The following CDK13 variants were observed in gnomAD, a reference collection of about 807,000 sequenced individuals.
CDK13 encodes cyclin-dependent kinase 13.
In CDK13, 40 loss-of-function variants were observed where a neutral mutation model predicts 137.6. The observed-to-expected ratio is 0.29, with a 90% CI of 0.23 to 0.38. The LOEUF is 0.38. Ranked by LOEUF, CDK13 falls within the 10% of genes least tolerant of loss-of-function variation. The pLI is 1.00. For synonymous variants in CDK13, 869 were observed against 760.1 expected, an observed-to-expected ratio of 1.14 and a Z score of -2.36; for missense variants, 1,704 against 1,951.8, an observed-to-expected ratio of 0.87 and a Z score of 2.39.
intron 1 of CDK13, among the ~76,000 whole-genome samples, chr7:39,979,954 A>G (rs1433904070): frequency 6.6e-6 from 1 of 152,150 alleles, no homozygotes; most frequent in East Asian, 1.9e-4. Context: ...AAGGCAAGGG[A>G]ACATTTTCCC....
At chr7:39,975,754 G>A (rs542510296) in intron 1 of CDK13, among the ~76,000 whole-genome samples, 1 of 152,290 alleles carries the variant, frequency 6.6e-6, no homozygotes, top group East Asian at 1.9e-4. Flanking sequence ...AGACCAGCAT[G>A]GCTGGAGTCT....
At position 39,974,008 on chromosome 7, in the gene CDK13, C is replaced by G. The variant is rs1216008576; in HGVS notation, c.1212-13591C>G. On this transcript the variant is annotated intron_variant, in intron 1 of 13. Coordinates refer to ENST00000181839, the MANE Select transcript of CDK13 (RefSeq NM_003718.5). ...CTGATTTTGCAGTAATTTTTGAAAT[C>G]AGGAAGTGTGAATCTTCCAACTTAG... is the stretch of plus-strand genomic sequence containing the variant. Among the ~76,000 whole-genome samples, 3 of 152,282 alleles carry G rather than the reference C, an allele frequency of 2.0e-5. No individual in the cohort carries two copies. In the East Asian group the frequency reaches 5.8e-4, roughly 29 times the overall value.
chr7:40,067,571 A>G (rs1786308004), intron 9 of CDK13: 1 of 152,196 alleles, frequency 6.6e-6, no homozygotes, highest in South Asian at 2.1e-4. Flanking sequence ...ACTACATAGG[A>G]AATAAAACTA....
intron 4 of CDK13, among the ~76,000 whole-genome samples, chr7:40,000,832 C>T (rs2116324006): frequency 6.6e-6 from 1 of 151,986 alleles, no homozygotes; most frequent in South Asian, 2.1e-4. Context: ...TTTTTTTCTC[C>T]AAGGAAGTGG....
intron 1 of CDK13, chr7:39,984,062 T>A (rs1784285072): frequency 6.6e-6 from 1 of 152,192 alleles, no homozygotes; most frequent in Admixed American, 6.5e-5. Context: ...CATTTTGTTT[T>A]TGTCCTAGAA....
At position 40,098,535 on chromosome 7, in the gene CDK13, T is replaced by TC. The variant is rs1394677994; in HGVS notation, c.*3555_*3556insC. ...TATAATATCCTTTCAATTTTTTTTTTTTTTTTGGCCCAGTCTGCCTTTTGA... is the reference window on the plus strand; with the variant it reads ...TATAATATCCTTTCAATTTTTTTTTTCTTTTTTGGCCCAGTCTGCCTTTTGA... On this transcript the variant is annotated 3_prime_UTR_variant, in exon 14 of 14. Transcript: ENST00000181839. 6.6e-6 allele frequency: 1 copy of TC among 151,880 alleles called. No homozygotes were observed. Among genetic ancestry groups the TC allele is most frequent in the African/African-American group, 2.4e-5 (1 of 41,362 alleles). 9.4% of individuals were successfully genotyped at this position (151,880 alleles called of 1,614,324 possible).
intron 5 of CDK13, among the ~76,000 whole-genome samples, chr7:40,022,195 AG>A (rs1161292127): frequency 6.6e-6 from 1 of 152,136 alleles, no homozygotes; most frequent in African/African-American, 2.4e-5. Flanking sequence ...TCTGGGTTTG[AG>A]ATATATATTT....
intron 5 of CDK13, among the ~76,000 whole-genome samples, chr7:40,004,088 A>G (rs1784749567): frequency 6.6e-6 from 1 of 152,184 alleles, no homozygotes; most frequent in South Asian, 2.1e-4. Flanking sequence ...AATGTGCTGA[A>G]TGACTAATTG....
At chr7:40,047,907 A>T in intron 7 of CDK13, 30 bp downstream of exon 7, 1 of 1,423,020 alleles carries the variant, frequency 7.0e-7, no homozygotes, top group Non-Finnish European at 9.9e-7. Context: ...AATATTGTAG[A>T]TACTAGAGTT....
chr7:40,062,879 T>TA lies in CDK13; in HGVS notation c.2655dup (p.Leu886ThrfsTer11). ...TTATGGTACCGTCCACCTGAACTGC[T>TA]ACTGGGAGAAGAACGATACACACCA... On this transcript the variant is annotated frameshift_variant, in exon 8 of 14. Transcript: ENST00000181839. LOFTEE classifies it high-confidence loss of function. The TA allele has an allele frequency of 6.2e-7, 1 of 1,614,036 alleles. No individual in the cohort carries two copies. The highest frequency in any genetic ancestry group is 8.5e-7 in the Non-Finnish European group (1 of 1,179,926).
chr7:39,963,236 T>A (rs564802719), intron 1 of CDK13, among the ~76,000 whole-genome samples: 1 of 152,220 alleles, frequency 6.6e-6, no homozygotes, highest in Non-Finnish European at 1.5e-5. Context: ...TTTCATGATA[T>A]TGATTCTTCC....
intron 12 of CDK13, among the ~76,000 whole-genome samples, chr7:40,089,704 G>A (rs879507506): frequency 8.1e-6 from 1 of 123,776 alleles, no homozygotes; most frequent in African/African-American, 5.0e-5. Flanking sequence ...AAAATAGAGA[G>A]AGAGAGAGAG....
chr7:39,993,426 G>GT (rs1434868877), intron 2 of CDK13, among the ~76,000 whole-genome samples: 1 of 151,872 alleles, frequency 6.6e-6, no homozygotes, highest in African/African-American at 2.4e-5. Context: ...GACCTCGTTT[G>GT]TTTTTTTGTG....
chr7:39,966,882 G>C (rs1783883938), intron 1 of CDK13, among the ~76,000 whole-genome samples: 1 of 152,158 alleles, frequency 6.6e-6, no homozygotes, highest in Admixed American at 6.5e-5. Flanking sequence ...GTCCACTCCA[G>C]ACCCTGTTTG....
intron 1 of CDK13, chr7:39,987,273 T>C (rs1483529248): frequency 1.1e-5 from 2 of 185,678 alleles, no homozygotes; most frequent in Non-Finnish European, 2.2e-5. Context: ...TGTCAGACTT[T>C]ACCCTGCTGC....
At chr7:39,966,571 G>C (rs1229628004) in intron 1 of CDK13, among the ~76,000 whole-genome samples, 2 of 152,028 alleles carry the variant, frequency 1.3e-5, no homozygotes, top group Non-Finnish European at 2.9e-5. Context: ...CCTTTAGCTC[G>C]GAGTAGTTTG....
chr7:40,049,588 T>G (rs184669521), intron 7 of CDK13, among the ~76,000 whole-genome samples: 10 of 152,328 alleles, frequency 6.6e-5, no homozygotes, highest in Admixed American at 1.3e-4. Context: ...CACATTTTTT[T>G]TGTGTGTGCC....
chr7:40,032,396 C>T (rs983901299), intron 5 of CDK13, among the ~76,000 whole-genome samples: 1 of 152,170 alleles, frequency 6.6e-6, no homozygotes, highest in South Asian at 2.1e-4. Flanking sequence ...TAAATTTTAA[C>T]GCTATCCAAC....
chr7:40,003,198 A>ACTCTCT (rs1408905892), intron 5 of CDK13, among the ~76,000 whole-genome samples: 95 of 89,444 alleles, frequency 1.1e-3, no homozygotes, highest in African/African-American at 2.1e-3. Context: ...ACACACACAC[A>ACTCTCT]CACACACACT....
Sources: gnomAD v4.1 joint callset for allele counts (sites outside exome capture counted in the v4.1 genomes callset) on GRCh38, gnomAD v4.1.1 for gene constraint, MANE v1.5 for transcripts, NCBI Gene and HGNC (gene_info 2026-07-23, HGNC 2026-07-21) for gene names.